CASQ2: variants seen among roughly 807,000 people sequenced by gnomAD.
CASQ2 encodes the protein calsequestrin-2.
Under a neutral mutation model 46.5 loss-of-function variants are expected in CASQ2, and 49 were observed. The ratio of observed to expected loss-of-function variants is 1.05; its 90% CI spans 0.84 to 1.34. The LOEUF (loss-of-function observed/expected upper bound fraction) is 1.34, where lower values mean the gene tolerates loss of function less well. Ranked by LOEUF, CASQ2 falls within the 40% of genes most tolerant of loss-of-function variation. CASQ2 has a pLI of 0.00. For synonymous variants in CASQ2, 174 were observed against 168.5 expected (o/e 1.03, Z -0.25); for missense variants, 486 against 481.3 (o/e 1.01, Z -0.09).
intron 1 of CASQ2, among the ~76,000 whole-genome samples, chr1:115,761,528 A>G (rs143344958): frequency 1.8e-4 from 14 of 78,800 alleles, no homozygotes; most frequent in East Asian, 6.2e-4. Context: ...AAGAAGAAGA[A>G]GAGTTCATAA....
At chr1:115,725,438 A>G in intron 7 of CASQ2, 70 bp downstream of exon 7, 2 of 1,571,720 alleles carry the variant, frequency 1.3e-6, no homozygotes, top group East Asian at 2.2e-5. Flanking sequence ...TGGGGACTTA[A>G]TCTAAGAAGC....
At chr1:115,752,961 T>C (rs902064614) in intron 1 of CASQ2, among the ~76,000 whole-genome samples, 1 of 152,102 alleles carries the variant, frequency 6.6e-6, no homozygotes, top group Non-Finnish European at 1.5e-5. Flanking sequence ...CAGTCAGACC[T>C]GGTAAGTCTT....
At chr1:115,703,046 T>A in intron 9 of CASQ2, 51 bp from the exon 10 acceptor site, 1 of 1,440,194 alleles carries the variant, frequency 6.9e-7, no homozygotes, top group Non-Finnish European at 9.7e-7. Flanking sequence ...GCATTCTCTG[T>A]TAAGGACCCA....
At chr1:115,757,463 G>A (rs937706646) in intron 1 of CASQ2, among the ~76,000 whole-genome samples, 6 of 152,118 alleles carry the variant, frequency 3.9e-5, no homozygotes, top group Non-Finnish European at 8.8e-5. Context: ...TTTGGTCAGT[G>A]AACAGTTGGA....
chr1:115,760,237 T>A (rs77957472), intron 1 of CASQ2, among the ~76,000 whole-genome samples: 1 of 152,300 alleles, frequency 6.6e-6, no homozygotes, highest in African/African-American at 2.4e-5. Flanking sequence ...ATTCTGGTCA[T>A]CTGGAAAACT....
At chr1:115,755,110 C>T (rs577366994) in intron 1 of CASQ2, among the ~76,000 whole-genome samples, 4 of 152,198 alleles carry the variant, frequency 2.6e-5, no homozygotes, top group Admixed American at 6.5e-5. Flanking sequence ...TCTTTTATTG[C>T]GTAGCATTTT....
chr1:115,727,230 C>T, intron 5 of CASQ2, 108 bp from the exon 6 acceptor site: 1 of 852,104 alleles, frequency 1.2e-6, no homozygotes, highest in Non-Finnish European at 1.9e-6. Flanking sequence ...GACATAAAAA[C>T]AGATGTACAG....
chr1:115,720,516 C>T (rs963895368), intron 7 of CASQ2, among the ~76,000 whole-genome samples: 2 of 152,150 alleles, frequency 1.3e-5, no homozygotes, highest in Non-Finnish European at 2.9e-5. Context: ...TCTTTCTCAC[C>T]ACCACCAGCA....
intron 7 of CASQ2, among the ~76,000 whole-genome samples, chr1:115,718,147 C>G (rs1157638397): frequency 6.6e-6 from 1 of 152,190 alleles, no homozygotes; most frequent in Non-Finnish European, 1.5e-5. Context: ...CAGGAAAATA[C>G]CAACCACACG....
chr1:115,708,484 A>G (rs984287791), intron 8 of CASQ2, among the ~76,000 whole-genome samples: 2 of 152,198 alleles, frequency 1.3e-5, no homozygotes, highest in African/African-American at 4.8e-5. Flanking sequence ...CTGGGGCCAA[A>G]TGACCTTGGC....
chr1:115,733,433 A>G (rs1019620317), intron 4 of CASQ2, among the ~76,000 whole-genome samples: 2 of 152,222 alleles, frequency 1.3e-5, no homozygotes, highest in Non-Finnish European at 2.9e-5. Flanking sequence ...TTGACATCAC[A>G]GAAGTATTTT....
intron 1 of CASQ2, among the ~76,000 whole-genome samples, chr1:115,747,684 C>T (rs1200587224): frequency 6.6e-6 from 1 of 152,194 alleles, no homozygotes; most frequent in African/African-American, 2.4e-5. Context: ...ACAAGTCTGG[C>T]ACACATTTTG....
intron 7 of CASQ2, among the ~76,000 whole-genome samples, chr1:115,721,230 G>A (rs1647363485): frequency 6.6e-6 from 1 of 152,112 alleles, no homozygotes; most frequent in South Asian, 2.1e-4. Context: ...CAGTTCCCCA[G>A]GACTCCAGCG....
At chr1:115,762,956 G>T (rs1649013079) in intron 1 of CASQ2, among the ~76,000 whole-genome samples, 1 of 152,194 alleles carries the variant, frequency 6.6e-6, no homozygotes, top group Non-Finnish European at 1.5e-5. Flanking sequence ...TGCCTGGCCA[G>T]CTGGGGCTCC....
chr1:115,726,444 T>C (rs1013844741), intron 6 of CASQ2, among the ~76,000 whole-genome samples: 3 of 152,238 alleles, frequency 2.0e-5, no homozygotes, highest in South Asian at 2.1e-4. Context: ...CCACAGAACC[T>C]GAAATATTTA....
intron 9 of CASQ2, 64 bp from the exon 10 acceptor site, chr1:115,703,059 C>T (rs1654259135): frequency 1.8e-5 from 23 of 1,290,460 alleles, no homozygotes; most frequent in Admixed American, 3.8e-5. Flanking sequence ...AGGACCCACC[C>T]GCCGTCCCAT....
chr1:115,723,631 A>G (rs1320200120), intron 7 of CASQ2, among the ~76,000 whole-genome samples: 2 of 151,886 alleles, frequency 1.3e-5, no homozygotes, highest in African/African-American at 4.8e-5. Context: ...TCTGCCTCCC[A>G]GATGAAAGTG....
chr1:115,742,037 CA>C (rs936770960), intron 2 of CASQ2, among the ~76,000 whole-genome samples: 2 of 151,968 alleles, frequency 1.3e-5, no homozygotes, highest in Non-Finnish European at 2.9e-5. Context: ...AGCAATGTGC[CA>C]GGTATTCTTT....
At chr1:115,744,176 A>C (rs1275628850) in intron 2 of CASQ2, among the ~76,000 whole-genome samples, 1 of 152,036 alleles carries the variant, frequency 6.6e-6, no homozygotes, top group East Asian at 1.9e-4. Flanking sequence ...GAAAAGAAAA[A>C]GAAAACCAGA....
Sources: gnomAD v4.1 joint callset for allele counts (sites outside exome capture counted in the v4.1 genomes callset) on GRCh38, gnomAD v4.1.1 for gene constraint, MANE v1.5 for transcripts, NCBI Gene and HGNC (gene_info 2026-07-23, HGNC 2026-07-21) for gene names.